Variants in PACS2 observed in about 807,000 individuals in gnomAD.
The protein encoded by PACS2 is phosphofurin acidic cluster sorting protein 2.
PACS2 carries 36 observed loss-of-function variants against 113.0 expected under a neutral mutation model. That is an observed-to-expected ratio of 0.32 (90% CI 0.24 to 0.42). The LOEUF (loss-of-function observed/expected upper bound fraction) is 0.42. Among genes scored for constraint, PACS2 ranks in the 10% least tolerant of loss-of-function variants. The pLI is 1.00. For missense variants in PACS2, 1,015 were observed against 1,239.5 expected (o/e 0.82, Z 2.72); for synonymous variants, 589 against 536.1 (o/e 1.10, Z -1.36).
At chr14:105,305,884 G>A (rs1439736155) in intron 1 of PACS2, among the ~76,000 whole-genome samples, 1 of 152,264 alleles carries the variant, frequency 6.6e-6, no homozygotes, top group Non-Finnish European at 1.5e-5. Context: ...ATTCAGCCCT[G>A]CAAGGCAGGA....
rs1044655736 is a variant in PACS2 at position 105,354,884 on chromosome 14, G to A, written c.298-168G>A. Among the ~76,000 whole-genome samples, 1 of 152,226 alleles carries A rather than the reference G, an allele frequency of 6.6e-6. No individual in the cohort carries two copies. Among genetic ancestry groups the A allele is most frequent in the South Asian group, 2.1e-4 (1 of 4,830 alleles). On this transcript the variant is annotated intron_variant, in intron 3 of 24. Coordinates refer to ENST00000447393, the MANE Select transcript of PACS2 (RefSeq NM_001100913.3). The surrounding 1 kb of genome is among the most constrained non-coding windows in gnomAD (Gnocchi z 4.2). Reference sequence around the variant, plus strand: ...GGGTAAAGGATGGGCTCTGGGGACCGGCATGCCACTGGGATGAACTTGGGG... The same window carrying A: ...GGGTAAAGGATGGGCTCTGGGGACCAGCATGCCACTGGGATGAACTTGGGG...
At chr14:105,331,107 G>A (rs587720711) in intron 1 of PACS2, among the ~76,000 whole-genome samples, 15 of 151,962 alleles carry the variant, frequency 9.9e-5, no homozygotes, top group Admixed American at 4.6e-4. Context: ...GGCATGCACC[G>A]TCACACCCAG....
intron 22 of PACS2, 114 bp downstream of exon 22, chr14:105,391,880 C>A: frequency 8.8e-7 from 1 of 1,135,958 alleles, no homozygotes; most frequent in Non-Finnish European, 1.2e-6. Flanking sequence ...GGCCTGTCAG[C>A]CACGAAGGCG....
intron 1 of PACS2, among the ~76,000 whole-genome samples, chr14:105,327,990 G>T (rs936018884): frequency 2.9e-4 from 44 of 152,206 alleles, no homozygotes; most frequent in African/African-American, 9.9e-4. Flanking sequence ...TTGGCTCACC[G>T]GCCCAGGCCA....
rs113565722 is a variant in PACS2 at position 105,368,563 on chromosome 14, A to G, written c.741+24A>G. ...GGGTTGGTGGAGACTGCTTCTATGA[A>G]TGCTGGGGAAGGCGAGGGTCGGGGA... is the stretch of plus-strand genomic sequence containing the variant. On this transcript the variant is annotated intron_variant, in intron 7 of 24. Transcript: ENST00000447393. 1.0e-5 allele frequency: 16 copies of G among 1,584,246 alleles called. No individual in the cohort carries two copies. In the African/African-American group the frequency reaches 2.2e-4, roughly 21 times the overall value.
rs2060515078 is a variant in PACS2 at position 105,357,856 on chromosome 14, C to G, written c.423+2679C>G. ...GGGTGTCGGTGAGGCTGGCGCCATG[C>G]ATTTGAGAGTAGTGCTCGGCGGTGG... On this transcript the variant is annotated intron_variant, in intron 4 of 24. Transcript: ENST00000447393. The surrounding 1 kb of genome is among the most constrained non-coding windows in gnomAD (Gnocchi z 5.1). 6.6e-6 allele frequency among the ~76,000 whole-genome samples: 1 copy of G among 152,054 alleles called. No individual in the cohort carries two copies. The highest frequency in any genetic ancestry group is 2.4e-5 in the African/African-American group (1 of 41,394).
Position 105,317,088 on chromosome 14 carries a change from T to C in PACS2, c.119+2051T>C, listed in dbSNP as rs10142682. On this transcript the variant is annotated intron_variant, in intron 1 of 24. Transcript: ENST00000447393. The surrounding 1 kb of genome is among the most constrained non-coding windows in gnomAD (Gnocchi z 4.2). The stretch of plus-strand genomic sequence containing the variant: ...GACAGTCTGCTACTTAGTTTTGCTT[T>C]GTTCCTCCTGAGTTCTTCTGTACTC... 0.12 allele frequency among the ~76,000 whole-genome samples: 17,546 copies of C among 152,194 alleles called. 3,430 individuals carry two copies. The highest frequency in any genetic ancestry group is 0.4 in the African/African-American group (16,558 of 41,456).
rs782722891 is a variant in PACS2, at chr14:105,381,115, C to CGGCGG, written c.1268+27_1268+31dup. On this transcript the variant is annotated intron_variant, in intron 12 of 24. Transcript: ENST00000447393. ...CCTCCACCAGGTGATGGGGGCTGCA[C>CGGCGG]GGCGGGGCGGGGCGGTGATGCACCT... is the stretch of plus-strand genomic sequence containing the variant. The CGGCGG allele has an allele frequency of 1.2e-6, 2 of 1,601,110 alleles. No individual in the cohort carries two copies. The highest frequency in any genetic ancestry group is 1.7e-5 in the Admixed American group (1 of 59,224).
intron 9 of PACS2, 97 bp downstream of exon 9, chr14:105,377,022 G>A (rs1248969627): frequency 1.2e-5 from 15 of 1,290,792 alleles, no homozygotes; most frequent in Admixed American, 4.8e-5. Context: ...CCCTGGAGAC[G>A]GGGTGGGCAG....
intron 1 of PACS2, among the ~76,000 whole-genome samples, chr14:105,305,923 G>A (rs926986534): frequency 6.6e-6 from 1 of 152,228 alleles, no homozygotes; most frequent in South Asian, 2.1e-4. Flanking sequence ...CAAAGAGGAC[G>A]CTGGAAACGT....
chr14:105,390,653 C>T (rs1555414591), intron 20 of PACS2: 2 of 171,598 alleles, frequency 1.2e-5, no homozygotes, highest in East Asian at 1.5e-4. Flanking sequence ...TTTTGTGCAC[C>T]GTGCAGTGGT....
At chr14:105,306,284 T>G (rs959756322) in intron 1 of PACS2, among the ~76,000 whole-genome samples, 2 of 151,122 alleles carry the variant, frequency 1.3e-5, no homozygotes, top group East Asian at 3.9e-4. Context: ...CTTTTGTTTT[T>G]GGGTTTGTTT....
chr14:105,319,139 G>T (rs777015911), intron 1 of PACS2, among the ~76,000 whole-genome samples: 1 of 150,830 alleles, frequency 6.6e-6, no homozygotes, highest in Non-Finnish European at 1.5e-5. Context: ...GTAGAGACAG[G>T]GTTTCACCAT....
rs150343495 is a variant in PACS2, at chr14:105,392,676, G to T, written c.2313G>T (p.Gln771His). The change falls in exon 23 of 25, where the codon CAG becomes CAT. Residue 771 changes from glutamine to histidine, a missense_variant. This residue lies in a region of PACS2 where 859 missense variants were observed against 1,056.8 expected (regional missense o/e 0.81). Coordinates refer to ENST00000447393, the MANE Select transcript of PACS2 (RefSeq NM_001100913.3). ...AGGTGGACTACTGGACGGCAGCACA[G>T]CCTGCGGACAGGAAGAGGGACGCCG... is the stretch of plus-strand genomic sequence containing the variant. ...GLQVDYWTAAQPADRKRDAEK... is the reference protein window; with the variant it reads ...GLQVDYWTAAHPADRKRDAEK... The T allele has an allele frequency of 6.8e-6, 11 of 1,612,456 alleles. No individual in the cohort carries two copies. Among genetic ancestry groups the T allele is most frequent in the Non-Finnish European group, 6.8e-6 (8 of 1,179,820 alleles).
At chr14:105,392,975 G>A in intron 23 of PACS2, 130 bp downstream of exon 23, 1 of 735,548 alleles carries the variant, frequency 1.4e-6, no homozygotes, top group Non-Finnish European at 2.3e-6. Context: ...GGCAGGGGCG[G>A]GTGGGGTGAG....
At chr14:105,373,329 A>G (rs2061227385) in intron 8 of PACS2, among the ~76,000 whole-genome samples, 1 of 152,260 alleles carries the variant, frequency 6.6e-6, no homozygotes, top group Non-Finnish European at 1.5e-5. Context: ...ACAAAACCAC[A>G]GTAGTAATCC....
intron 24 of PACS2, 72 bp from the exon 25 acceptor site, chr14:105,394,482 G>T (rs587741263): frequency 6.3e-7 from 1 of 1,592,320 alleles, no homozygotes; most frequent in Admixed American, 1.7e-5. Context: ...AGCCTGGTGG[G>T]CCAGGCAGGC....
chr14:105,373,591 G>A (rs587692257), intron 8 of PACS2, among the ~76,000 whole-genome samples: 1 of 152,272 alleles, frequency 6.6e-6, no homozygotes, highest in South Asian at 2.1e-4. Flanking sequence ...CAGGCAGATT[G>A]CATAAGTCCA....
chr14:105,321,970 C>T (rs950038483), intron 1 of PACS2, among the ~76,000 whole-genome samples: 6 of 151,100 alleles, frequency 4.0e-5, no homozygotes, highest in African/African-American at 9.8e-5. Flanking sequence ...GACAGAGTCT[C>T]GCTGTGTCGC....
Sources: allele counts gnomAD v4.1 joint callset (sites outside exome capture counted in the v4.1 genomes callset), GRCh38; gene constraint gnomAD v4.1.1; regional missense constraint gnomAD v4.1.1; non-coding constraint Gnocchi (gnomAD v3.1); transcripts MANE v1.5; gene names NCBI Gene and HGNC (gene_info 2026-07-23, HGNC 2026-07-21).